Variants in ERCC3 observed in about 807,000 individuals in gnomAD.
ERCC3 encodes the protein general transcription and DNA repair factor IIH helicase/translocase subunit XPB.
ERCC3 carries 66 observed loss-of-function variants against 94.2 expected under a neutral mutation model. That is an observed-to-expected ratio of 0.70 (90% confidence interval 0.57 to 0.86). The LOEUF is 0.86. ERCC3 is among the 40% of genes least tolerant of loss of function. ERCC3 has a pLI of 0.00. For missense variants in ERCC3, 829 were observed against 987.1 expected (o/e 0.84, Z 2.15); for synonymous variants, 349 against 369.1 (o/e 0.95, Z 0.63).
intron 8 of ERCC3, among the ~76,000 whole-genome samples, chr2:127,281,661 A>G (rs1412251283): frequency 1.3e-5 from 2 of 152,156 alleles, no homozygotes; most frequent in Non-Finnish European, 2.9e-5. Context: ...CCAAAACACA[A>G]AGACGTTCAC....
chr2:127,289,151 C>A (rs1685179823), intron 6 of ERCC3, among the ~76,000 whole-genome samples, 186 bp downstream of exon 6: 1 of 152,204 alleles, frequency 6.6e-6, no homozygotes, highest in African/African-American at 2.4e-5. Flanking sequence ...AAAGAGGACA[C>A]TGGGACTTTA....
In ERCC3 at chr2:127,284,867, T is replaced by C. The variant is rs1381178082; in HGVS notation, c.1342+1836A>G. 1.3e-5 allele frequency among the ~76,000 whole-genome samples: 2 copies of C among 152,068 alleles called. No individual in the cohort carries two copies. The highest frequency in any genetic ancestry group is 2.9e-5 in the Non-Finnish European group (2 of 68,026). On this transcript the variant is annotated intron_variant, in intron 8 of 14. Coordinates refer to ENST00000285398, the MANE Select transcript of ERCC3 (RefSeq NM_000122.2). The surrounding 1 kb of genome is among the most constrained non-coding windows in gnomAD (Gnocchi z 4.1). ...CTTGGCTAATTAAAAAAATTTTTTT[T>C]TGTAGAGACATGTCTCACTATGTTA...
rs553774995 is a variant in ERCC3 at position 127,293,523 on chromosome 2, G to A, written c.224C>T (p.Pro75Leu). 21 of 1,614,072 alleles carry A rather than the reference G, an allele frequency of 1.3e-5. 1 individual carries two copies. The African/African-American group carries it at 2.8e-4, about 22-fold the overall frequency. The stretch of plus-strand genomic sequence containing the variant: ...TAAGGGCATGCTTACCACCCAGAGG[G>A]GCCTGGAGGTGTGGTCGTCCTTCAG... Reference protein sequence around the residue: ...MPLKDDHTSRPLWVAPDGHIF... With the variant: ...MPLKDDHTSRLLWVAPDGHIF... Residue 75 changes from proline to leucine, a missense_variant, in exon 2 of 15, where the codon CCC becomes CTC. By Grantham distance (98) the Pro-to-Leu change is moderately conservative. Transcript: ENST00000285398.
chr2:127,292,946 A>C (rs1484631802), intron 2 of ERCC3, 100 bp from the exon 3 acceptor site: 1 of 775,142 alleles, frequency 1.3e-6, no homozygotes, highest in African/African-American at 1.7e-5. Context: ...AAGCTGCCCA[A>C]CACCACAGAT....
chr2:127,288,735 G>A lies in ERCC3; in HGVS notation c.952C>T (p.Pro318Ser), dbSNP rs769963575. The change falls in exon 7 of 15, where the codon CCC (proline) becomes TCC (serine). Residue 318 changes from proline (P) to serine (S), a missense_variant. Coordinates refer to ENST00000285398, the MANE Select transcript of ERCC3 (RefSeq NM_000122.2). ...IDLKPTAVLR[P>S]YQEKSLRKMF... Reference sequence around the variant, plus strand: ...TTTCGCAAGCTCTTCTCCTGATAGGGTCTGAGGACAGCTGTGGGCTTTAGG... The same window carrying A: ...TTTCGCAAGCTCTTCTCCTGATAGGATCTGAGGACAGCTGTGGGCTTTAGG... The A allele has an allele frequency of 3.6e-5, 58 of 1,614,004 alleles. No homozygotes were observed. The highest frequency in any genetic ancestry group is 4.7e-5 in the Non-Finnish European group (55 of 1,180,012).
chr2:127,289,741 G>A lies in ERCC3; in HGVS notation c.605C>T (p.Ser202Phe), dbSNP rs1396363819. The A allele has an allele frequency of 6.2e-7, 1 of 1,614,150 alleles. No homozygotes were observed. Among genetic ancestry groups the A allele is most frequent in the Non-Finnish European group, 8.5e-7 (1 of 1,180,016 alleles). Residue 202 changes from serine to phenylalanine, a missense_variant, in exon 5 of 15, where the codon TCT becomes TTT. Physicochemically the swap from Ser to Phe is radical, Grantham distance 155 (BLOSUM62 -2). Coordinates refer to ENST00000285398, the MANE Select transcript of ERCC3 (RefSeq NM_000122.2). ...GATGAGCTCAGTGGCCTCCCCTTCA[G>A]AGTTTCTTAAGCGGCATTCTCGGAT... ...PVIRECRLRNSEGEATELITE... is the reference protein window; with the variant it reads ...PVIRECRLRNFEGEATELITE...
In ERCC3 at chr2:127,283,214, A is replaced by G. The variant is rs190706475; in HGVS notation, c.1343-2583T>C. ...CCAGCACCACAATCAGGGTACAGAT[A>G]AAGACAGCATCCCCCAAAATTCCCC... On this transcript the variant is annotated intron_variant, in intron 8 of 14. Transcript: ENST00000285398. Among the ~76,000 whole-genome samples, 89 of 152,254 alleles carry G rather than the reference A, an allele frequency of 5.8e-4. 2 individuals are homozygous for G. The highest frequency in any genetic ancestry group is 4.4e-5 in the Non-Finnish European group (3 of 68,022).
At chr2:127,286,169 T>A (rs544401047) in intron 8 of ERCC3, among the ~76,000 whole-genome samples, 1 of 151,956 alleles carries the variant, frequency 6.6e-6, no homozygotes, top group African/African-American at 2.4e-5. Context: ...AAAAGGAAGA[T>A]GGAGGAAAGA....
In ERCC3 at chr2:127,292,853, G is replaced by C; in HGVS notation, c.235-7C>G. 6.4e-7 allele frequency: 1 copy of C among 1,560,512 alleles called. No individual in the cohort carries two copies. The highest frequency in any genetic ancestry group is 8.8e-7 in the Non-Finnish European group (1 of 1,132,650). On this transcript the variant is annotated splice_polypyrimidine_tract_variant and splice_region_variant and intron_variant, in intron 2 of 14. Coordinates refer to ENST00000285398, the MANE Select transcript of ERCC3 (RefSeq NM_000122.2). ...AGATATGGCCATCGGGAGCCTGAGA[G>C]ATACCAAATGGACAAAACAGACAAG...
At chr2:127,286,444 G>C (rs1386850505) in intron 8 of ERCC3, among the ~76,000 whole-genome samples, 1 of 152,068 alleles carries the variant, frequency 6.6e-6, no homozygotes, top group Non-Finnish European at 1.5e-5. Context: ...GCTACTCAGA[G>C]GCTGAGGCAG....
At chr2:127,273,733 G>T (rs1442778641) in intron 10 of ERCC3, among the ~76,000 whole-genome samples, 2 of 95,044 alleles carry the variant, frequency 2.1e-5, no homozygotes, top group East Asian at 3.7e-4. Context: ...TGGGAAACAA[G>T]AGTGAAACTC....
chr2:127,260,144 T>C (rs1007431596), intron 13 of ERCC3: 1 of 155,596 alleles, frequency 6.4e-6, no homozygotes, highest in African/African-American at 2.4e-5. Flanking sequence ...GGATCCAGAG[T>C]ACAGACGATG....
chr2:127,278,494 A>G (rs1357714005), intron 10 of ERCC3, among the ~76,000 whole-genome samples: 1 of 152,192 alleles, frequency 6.6e-6, no homozygotes, highest in Non-Finnish European at 1.5e-5. Context: ...TGGGAACAAC[A>G]TTTTATATGG....
At chr2:127,278,344 T>C (rs776814300) in intron 10 of ERCC3, among the ~76,000 whole-genome samples, 2 of 151,674 alleles carry the variant, frequency 1.3e-5, no homozygotes, top group South Asian at 2.1e-4. Context: ...GGTGGGAAAA[T>C]AGAAGCAGGG....
rs1172282392 is a variant in ERCC3, at chr2:127,257,348, T to C, written c.*248A>G. 3.7e-6 allele frequency: 2 copies of C among 547,030 alleles called. No homozygotes were observed. The highest frequency in any genetic ancestry group is 1.9e-5 in the African/African-American group (1 of 52,766). 33.9% of individuals were successfully genotyped at this position (547,030 alleles called of 1,614,324 possible). ...CGGTAACATAAATACACCTTAAATA[T>C]TAACATTTTTTATATACAGAAATGA... On this transcript the variant is annotated 3_prime_UTR_variant, in exon 15 of 15. Transcript: ENST00000285398. The surrounding 1 kb of genome is among the most constrained non-coding windows in gnomAD (Gnocchi z 5.4).
intron 12 of ERCC3, among the ~76,000 whole-genome samples, chr2:127,270,154 A>G (rs566419941): frequency 2.0e-5 from 3 of 151,940 alleles, no homozygotes; most frequent in Admixed American, 6.5e-5. Flanking sequence ...CAGCCTCCCA[A>G]GTAGCTGGAA....
chr2:127,289,849 G>C, intron 4 of ERCC3, 25 bp from the exon 5 acceptor site: 1 of 1,613,900 alleles, frequency 6.2e-7, no homozygotes. Flanking sequence ...GGAAGAAGGG[G>C]TCTACTGACC....
rs1304274929 is a variant in ERCC3, at chr2:127,291,867, C to T, written c.471+743G>A. ...GACTTTCCCTCATGGAACTTGTTGA[C>T]TATTGGTCTCCTGCAGATACTTAGC... On this transcript the variant is annotated intron_variant, in intron 3 of 14. Coordinates refer to ENST00000285398, the MANE Select transcript of ERCC3 (RefSeq NM_000122.2). The surrounding 1 kb of genome is among the most constrained non-coding windows in gnomAD (Gnocchi z 4.9). 6.5e-6 allele frequency: 1 copy of T among 152,704 alleles called. No individual in the cohort carries two copies. The highest frequency in any genetic ancestry group is 1.5e-5 in the Non-Finnish European group (1 of 68,438). The allele number at this position is 152,704 out of a possible 1,614,324, so 9.5% of individuals were successfully genotyped here.
Position 127,277,601 on chromosome 2 carries a change from G to C in ERCC3, c.1730+1572C>G, listed in dbSNP as rs1684770946. Among the ~76,000 whole-genome samples, 1 of 152,064 alleles carries C rather than the reference G, an allele frequency of 6.6e-6. No individual in the cohort carries two copies. Among genetic ancestry groups the C allele is most frequent in the South Asian group, 2.1e-4 (1 of 4,826 alleles). ...AGCTACTCAGGAGGCTGAGGCAGGA[G>C]AATCACTTGAACCCACAAGGCAGAG... On this transcript the variant is annotated intron_variant, in intron 10 of 14. Coordinates refer to ENST00000285398, the MANE Select transcript of ERCC3 (RefSeq NM_000122.2). This position sits in a 1 kb window ranked among gnomAD's most constrained non-coding sequence, Gnocchi z 5.1.
Sources: gnomAD v4.1 joint callset for allele counts (sites outside exome capture counted in the v4.1 genomes callset) on GRCh38, gnomAD v4.1.1 for gene constraint, Gnocchi (gnomAD v3.1) non-coding constraint, MANE v1.5 for transcripts, NCBI Gene and HGNC (gene_info 2026-07-23, HGNC 2026-07-21) for gene names.